Variants in ZFPM1 observed in about 807,000 individuals in gnomAD.
The protein encoded by ZFPM1 is zinc finger protein, FOG family member 1.
In ZFPM1, 28 loss-of-function variants were observed where a neutral mutation model predicts 46.3. That is an observed-to-expected ratio of 0.60 (90% CI 0.45 to 0.83). The LOEUF is 0.83. Ranked by LOEUF, ZFPM1 falls within the 40% of genes least tolerant of loss-of-function variation. The pLI, the probability that ZFPM1 is intolerant of heterozygous loss-of-function variation, is 0.00. For missense variants in ZFPM1, 1,878 were observed against 1,432.4 expected, an observed-to-expected ratio of 1.31 and a Z score of -5.02; for synonymous variants, 957 against 675.9, an observed-to-expected ratio of 1.42 and a Z score of -6.45.
intron 3 of ZFPM1, among the ~76,000 whole-genome samples, chr16:88,492,052 C>A (rs550035020): frequency 6.5e-4 from 99 of 152,246 alleles, no homozygotes; most frequent in Non-Finnish European, 1.2e-3. Context: ...GTCTCCAGAC[C>A]CTCTCTCTGA....
chr16:88,490,690 G>C (rs1473262204), intron 3 of ZFPM1, among the ~76,000 whole-genome samples: 2 of 152,194 alleles, frequency 1.3e-5, no homozygotes, highest in Non-Finnish European at 2.9e-5. Flanking sequence ...AGAGAGAGGG[G>C]TGGGCCTGGG....
In ZFPM1 at chr16:88,528,162, G is replaced by T. The variant is rs749560082; in HGVS notation, c.636G>T (p.Pro212=). Residue 212 remains proline (P), a synonymous_variant, in exon 6 of 10, where the codon CCG becomes CCT. Transcript: ENST00000319555. ...AGGAGCCAGCAGAGCCCACGTGCCC[G>T]GCCCCTGCACACGACCTCCAGCTCC... ...VKKEPAEPTC[P]APAHDLQLLP... The T allele has an allele frequency of 6.2e-7, 1 of 1,609,260 alleles. No individual in the cohort carries two copies. The highest frequency in any genetic ancestry group is 2.2e-5 in the East Asian group (1 of 44,800).
chr16:88,461,557 G>A (rs76660678), intron 1 of ZFPM1, among the ~76,000 whole-genome samples: 1,562 of 152,272 alleles, frequency 0.01, 25 homozygotes, highest in African/African-American at 0.034. Context: ...CCTCCTTCCC[G>A]GCTGTTGTGT....
chr16:88,479,193 G>A (rs934700085), intron 1 of ZFPM1, among the ~76,000 whole-genome samples: 13 of 152,176 alleles, frequency 8.5e-5, no homozygotes, highest in South Asian at 2.1e-4. Flanking sequence ...CCGCGGGGCC[G>A]GGCTCCCCAC....
chr16:88,512,712 G>A (rs1025580376), intron 3 of ZFPM1, among the ~76,000 whole-genome samples: 3 of 152,206 alleles, frequency 2.0e-5, no homozygotes, highest in Non-Finnish European at 4.4e-5. Flanking sequence ...TGGCACTGAG[G>A]ACCCGCCGGA....
chr16:88,517,709 AGTGG>A (rs1164846891), intron 4 of ZFPM1, among the ~76,000 whole-genome samples: 3 of 109,192 alleles, frequency 2.7e-5, no homozygotes, highest in African/African-American at 7.0e-5. Flanking sequence ...TGGATGGATG[AGTGG>A]GTGGGTGGAT....
chr16:88,461,958 T>C (rs994257873), intron 1 of ZFPM1, among the ~76,000 whole-genome samples: 12 of 152,194 alleles, frequency 7.9e-5, no homozygotes, highest in Admixed American at 2.6e-4. Flanking sequence ...GGCCCAGGTT[T>C]CTCTGGGCAC....
chr16:88,529,252 G>A (rs1171590349), intron 6 of ZFPM1, among the ~76,000 whole-genome samples: 2 of 152,362 alleles, frequency 1.3e-5, no homozygotes, highest in Non-Finnish European at 2.9e-5. Context: ...CAGCGGCTGG[G>A]GCTTCCCAGG....
intron 3 of ZFPM1, among the ~76,000 whole-genome samples, chr16:88,490,524 G>C (rs1330672947): frequency 6.6e-6 from 1 of 152,224 alleles, no homozygotes; most frequent in African/African-American, 2.4e-5. Context: ...CTGAGGCAGA[G>C]GGACCACATT....
Position 88,501,487 on chromosome 16 carries a change from T to G in ZFPM1, c.268+12334T>G, listed in dbSNP as rs376312184. ...GATAGAGATAGCAGACATGGGTGCG[T>G]GGGCCCTCCCGCAGGTGCTGGTGAT... is the stretch of plus-strand genomic sequence containing the variant. On this transcript the variant is annotated intron_variant, in intron 3 of 9. Coordinates refer to ENST00000319555, the MANE Select transcript of ZFPM1 (RefSeq NM_153813.3). 1.9e-3 allele frequency among the ~76,000 whole-genome samples: 184 copies of G among 98,458 alleles called. 1 individual carries two copies. Among genetic ancestry groups the G allele is most frequent in the African/African-American group, 3.6e-3 (84 of 23,266 alleles). The allele number at this position is 98,458 out of a possible 152,430, so 64.6% of individuals were successfully genotyped here.
chr16:88,532,150 C>A lies in ZFPM1; in HGVS notation c.861C>A (p.Pro287=). The A allele has an allele frequency of 6.2e-7, 1 of 1,612,670 alleles. No homozygotes were observed. The highest frequency in any genetic ancestry group is 8.5e-7 in the Non-Finnish European group (1 of 1,179,804). Residue 287 remains proline (P), a synonymous_variant, in exon 7 of 10, where the codon CCC becomes CCA. Transcript: ENST00000319555. ...ATDEKPKETY[P]NERVCPFPQC... ...ACGAGAAGCCCAAAGAGACCTACCC[C>A]AACGAGCGCGTCTGCCCCTTCCCCC...
At position 88,534,155 on chromosome 16, in the gene ZFPM1, T is replaced by G; in HGVS notation, c.2197T>G (p.Ser733Ala). 1 of 914,496 alleles carries G rather than the reference T, an allele frequency of 1.1e-6. No homozygotes were observed. Among genetic ancestry groups the G allele is most frequent in the Non-Finnish European group, 1.2e-6 (1 of 802,476 alleles). The allele number at this position is 914,496 out of a possible 1,614,324, so 56.6% of individuals were successfully genotyped here. ...TGGGCCGGCCGCGCCCCCGGCCCCCTCTCCCGCCGCGCCTGTGCGCACGCG... is the reference window on the plus strand; with the variant it reads ...TGGGCCGGCCGCGCCCCCGGCCCCCGCTCCCGCCGCGCCTGTGCGCACGCG... Reference protein sequence around the residue: ...PPGPAAPPAPSPAAPVRTRRR... With the variant: ...PPGPAAPPAPAPAAPVRTRRR... Residue 733 changes from serine to alanine, a missense_variant, in exon 10 of 10, where the codon TCT (serine) becomes GCT (alanine). Ser to Ala is a moderately conservative substitution (Grantham distance 99). Coordinates refer to ENST00000319555, the MANE Select transcript of ZFPM1 (RefSeq NM_153813.3).
Position 88,534,751 on chromosome 16 carries a change from CCCGCCCCCGTCCCCGGCCG to C in ZFPM1, c.2798_2816del (p.Pro933ArgfsTer67). ...CGGAGCCCCAGGAGCCGCCGCCCGG[CCCGCCCCCGTCCCCGGCCG>C]CCGCGCCCGAGGCCGTGCCGCCCCC... On this transcript the variant is annotated frameshift_variant, in exon 10 of 10. Transcript: ENST00000319555. LOFTEE classifies it low-confidence loss of function (END_TRUNC). 2 of 1,026,848 alleles carry C rather than the reference CCCGCCCCCGTCCCCGGCCG, an allele frequency of 1.9e-6. No individual in the cohort carries two copies. The highest frequency in any genetic ancestry group is 2.3e-6 in the Non-Finnish European group (2 of 856,722). The allele number at this position is 1,026,848 out of a possible 1,614,324, so 63.6% of individuals were successfully genotyped here. A position where few individuals can be genotyped will look rare whatever the true frequency, so the allele number is the denominator to read the frequency against.
rs12927698 is a variant in ZFPM1 at position 88,501,233 on chromosome 16, A to G, written c.268+12080A>G. ...TGATGGAGATAGCGGGTGTGGGTGCATGGGCTCTCCCGCAGGTACTGGTGA... is the reference window on the plus strand; with the variant it reads ...TGATGGAGATAGCGGGTGTGGGTGCGTGGGCTCTCCCGCAGGTACTGGTGA... On this transcript the variant is annotated intron_variant, in intron 3 of 9. Coordinates refer to ENST00000319555, the MANE Select transcript of ZFPM1 (RefSeq NM_153813.3). Among the ~76,000 whole-genome samples, 386 of 50,564 alleles carry G rather than the reference A, an allele frequency of 7.6e-3. 6 individuals carry two copies. Among genetic ancestry groups the G allele is most frequent in the Middle Eastern group, 0.019 (1 of 54 alleles). The allele number at this position is 50,564 out of a possible 152,430, so 33.2% of individuals were successfully genotyped here.
In ZFPM1 at chr16:88,534,327, C is replaced by T. The variant is rs1235575607; in HGVS notation, c.2369C>T (p.Ala790Val). The T allele has an allele frequency of 9.7e-6, 13 of 1,346,064 alleles. No homozygotes were observed. The highest frequency in any genetic ancestry group is 3.5e-5 in the Admixed American group (1 of 28,578). 83.4% of individuals were successfully genotyped at this position (1,346,064 alleles called of 1,614,324 possible). The change falls in exon 10 of 10, where the codon GCG becomes GTG. Residue 790 changes from alanine (A) to valine (V), a missense_variant. Physicochemically the swap from Ala to Val is moderately conservative, Grantham distance 64 (BLOSUM62 0). Coordinates refer to ENST00000319555, the MANE Select transcript of ZFPM1 (RefSeq NM_153813.3). ...GCCCCTGCGCGCTCGCCCGGCCCCG[C>T]GGCCGACGGCCCCATCGACCTGAGC... ...GLAPARSPGPAADGPIDLSKK... is the reference protein window; with the variant it reads ...GLAPARSPGPVADGPIDLSKK...
At chr16:88,508,229 G>A (rs1196573252) in intron 3 of ZFPM1, among the ~76,000 whole-genome samples, 1 of 152,154 alleles carries the variant, frequency 6.6e-6, no homozygotes, top group African/African-American at 2.4e-5. Context: ...CCCGGGAGGC[G>A]GAGGCTGCAG....
In ZFPM1 at chr16:88,514,432, C is replaced by A; in HGVS notation, c.314C>A (p.Ala105Asp). Reference protein sequence around the residue: ...VVQDGQRRIRARLSLATGLSW... With the variant: ...VVQDGQRRIRDRLSLATGLSW... ...CAGGATGGGCAGAGGCGCATACGGGCCCGACTCAGCCTCGCCACGGGCCTG... is the reference window on the plus strand; with the variant it reads ...CAGGATGGGCAGAGGCGCATACGGGACCGACTCAGCCTCGCCACGGGCCTG... The change falls in exon 4 of 10, where the codon GCC becomes GAC. Residue 105 changes from alanine (A) to aspartate (D), a missense_variant. Coordinates refer to ENST00000319555, the MANE Select transcript of ZFPM1 (RefSeq NM_153813.3). The A allele has an allele frequency of 6.4e-7, 1 of 1,558,696 alleles. No homozygotes were observed. Among genetic ancestry groups the A allele is most frequent in the Non-Finnish European group, 8.7e-7 (1 of 1,151,670 alleles).
intron 1 of ZFPM1, among the ~76,000 whole-genome samples, chr16:88,479,347 G>T (rs573375242): frequency 1.1e-3 from 161 of 152,242 alleles, no homozygotes; most frequent in African/African-American, 3.7e-3. Flanking sequence ...GCCAGGGGGT[G>T]TGGACAGCAT....
rs750889569 is a variant in ZFPM1, at chr16:88,534,001, C to G, written c.2043C>G (p.Ser681Arg). 4.4e-6 allele frequency: 6 copies of G among 1,378,676 alleles called. No individual in the cohort carries two copies. The Admixed American group carries it at 6.5e-5, about 15-fold the overall frequency. The allele number at this position is 1,378,676 out of a possible 1,614,324, so 85.4% of individuals were successfully genotyped here. A position where few individuals can be genotyped will look rare whatever the true frequency, so the allele number is the denominator to read the frequency against. ...TGGACGACGCGGAGGACGACCCCAG[C>G]CGCACGCTGTGCGAGGCCTGCAACA... ...SSVDDAEDDPSRTLCEACNIR... is the reference protein window; with the variant it reads ...SSVDDAEDDPRRTLCEACNIR... The change falls in exon 10 of 10, where the codon AGC becomes AGG. Residue 681 changes from serine to arginine, a missense_variant. Transcript: ENST00000319555.
Sources: gnomAD v4.1 joint callset for allele counts (sites outside exome capture counted in the v4.1 genomes callset) on GRCh38, gnomAD v4.1.1 for gene constraint, MANE v1.5 for transcripts, NCBI Gene and HGNC (gene_info 2026-07-23, HGNC 2026-07-21) for gene names.